Variants in CCDC102B observed in about 807,000 individuals in gnomAD.
CCDC102B encodes the protein coiled-coil domain-containing protein 102B.
Under a neutral mutation model 57.4 loss-of-function variants are expected in CCDC102B, and 75 were observed. That is an observed-to-expected ratio of 1.31 (90% CI 1.08 to 1.58). The LOEUF is 1.58. CCDC102B is among the 40% of genes most tolerant of loss of function. The probability of loss-of-function intolerance (pLI) is 0.00; values close to 1 mark genes in which losing one functional copy is unlikely to be tolerated. For synonymous variants in CCDC102B, 206 were observed against 201.9 expected (o/e 1.02, Z -0.17); for missense variants, 636 against 582.6 (o/e 1.09, Z -0.94).
intron 6 of CCDC102B, among the ~76,000 whole-genome samples, chr18:69,002,637 A>G (rs1299282294): frequency 6.6e-6 from 1 of 152,220 alleles, no homozygotes; most frequent in African/African-American, 2.4e-5. Flanking sequence ...TGTTAATCAC[A>G]GATGAAAATA....
rs553092552 is a variant in CCDC102B, at chr18:68,919,593, C to T, written c.1263+22165C>T. Among the ~76,000 whole-genome samples the T allele has an allele frequency of 6.6e-5, 10 of 152,210 alleles. No individual in the cohort carries two copies. The East Asian group carries it at 1.7e-3, about 27-fold the overall frequency. On this transcript the variant is annotated intron_variant, in intron 6 of 7. Transcript: ENST00000360242. Reference sequence around the variant, plus strand: ...AATTCCTTACACAGATCTGTGTTCTCCTGAGAGTCCTCTTATTCTTCTAGC... The same window carrying T: ...AATTCCTTACACAGATCTGTGTTCTTCTGAGAGTCCTCTTATTCTTCTAGC...
At chr18:68,722,557 C>T (rs2032393165) in intron 2 of CCDC102B, among the ~76,000 whole-genome samples, 1 of 152,016 alleles carries the variant, frequency 6.6e-6, no homozygotes. Context: ...TAATATTATA[C>T]AAAGTGTAGG....
chr18:68,969,637 A>G (rs967707861), intron 6 of CCDC102B, among the ~76,000 whole-genome samples: 11 of 152,000 alleles, frequency 7.2e-5, no homozygotes, highest in African/African-American at 2.7e-4. Flanking sequence ...TAGTGATAAA[A>G]CATATGCCAC....
chr18:68,768,629 T>A (rs181031124), intron 2 of CCDC102B, among the ~76,000 whole-genome samples: 30 of 152,248 alleles, frequency 2.0e-4, no homozygotes, highest in African/African-American at 6.7e-4. Context: ...TATAGTGAGA[T>A]TTGATATTTT....
intron 7 of CCDC102B, among the ~76,000 whole-genome samples, chr18:69,026,859 G>A (rs1006669528): frequency 6.6e-6 from 1 of 152,148 alleles, no homozygotes; most frequent in African/African-American, 2.4e-5. Context: ...TTCCTGGAAA[G>A]GAGAATACGT....
intron 6 of CCDC102B, among the ~76,000 whole-genome samples, chr18:68,933,403 ATATTCT>A (rs1177641274): frequency 6.6e-6 from 1 of 151,890 alleles, no homozygotes; most frequent in Non-Finnish European, 1.5e-5. Context: ...TGGAGGCCAA[ATATTCT>A]TAGTTTTAAA....
intron 3 of CCDC102B, among the ~76,000 whole-genome samples, chr18:68,845,219 T>C (rs1333138111): frequency 1.3e-5 from 2 of 151,912 alleles, no homozygotes; most frequent in South Asian, 2.1e-4. Flanking sequence ...GGAAGAATCA[T>C]TTTTCTTATA....
intron 5 of CCDC102B, among the ~76,000 whole-genome samples, chr18:68,880,582 A>G (rs1482571900): frequency 6.6e-6 from 1 of 152,134 alleles, no homozygotes; most frequent in Non-Finnish European, 1.5e-5. Flanking sequence ...AGTCATGAAG[A>G]TAACCCCATT....
At chr18:68,804,214 T>C (rs2035952579) in intron 1 of CCDC102B, among the ~76,000 whole-genome samples, 1 of 152,152 alleles carries the variant, frequency 6.6e-6, no homozygotes, top group South Asian at 2.1e-4. Flanking sequence ...CTAAGTTTGG[T>C]CTGTAAACCT....
At chr18:68,726,553 A>T (rs1164399735) in intron 2 of CCDC102B, among the ~76,000 whole-genome samples, 1 of 152,234 alleles carries the variant, frequency 6.6e-6, no homozygotes, top group Non-Finnish European at 1.5e-5. Context: ...TTCAACTGCT[A>T]AATAGACTAT....
At chr18:68,879,648 C>T (rs138880734) in intron 5 of CCDC102B, among the ~76,000 whole-genome samples, 3,766 of 151,136 alleles carry the variant, frequency 0.025, 84 homozygotes, top group Non-Finnish European at 0.039. Flanking sequence ...AGACACAGGG[C>T]GCTGATTGGT....
intron 4 of CCDC102B, among the ~76,000 whole-genome samples, chr18:68,850,798 T>A (rs1256999485): frequency 6.6e-6 from 1 of 152,108 alleles, no homozygotes; most frequent in East Asian, 1.9e-4. Context: ...AATGGCTGGG[T>A]CCATGCTGTT....
At chr18:68,808,031 G>A (rs1027144939) in intron 1 of CCDC102B, among the ~76,000 whole-genome samples, 1 of 151,946 alleles carries the variant, frequency 6.6e-6, no homozygotes, top group African/African-American at 2.4e-5. Flanking sequence ...AAGATTCCAC[G>A]TCTTTTCCTT....
At position 69,054,731 on chromosome 18, in the gene CCDC102B, G is replaced by C. The variant is rs939571420; in HGVS notation, c.*594G>C. 4 of 985,112 alleles carry C rather than the reference G, an allele frequency of 4.1e-6. No individual in the cohort carries two copies. In the South Asian group the frequency reaches 1.9e-4, roughly 46 times the overall value. The allele number at this position is 985,112 out of a possible 1,614,324, so 61.0% of individuals were successfully genotyped here. A position where few individuals can be genotyped will look rare whatever the true frequency, so the allele number is the denominator to read the frequency against. On this transcript the variant is annotated 3_prime_UTR_variant, in exon 8 of 8. Transcript: ENST00000360242. ...TGTATTTTAAAGTAACAGATAACCA[G>C]TGATTGAATCTAAGACAGGCTGTAA... is the stretch of plus-strand genomic sequence containing the variant.
intron 5 of CCDC102B, among the ~76,000 whole-genome samples, chr18:68,885,640 C>G (rs1048171665): frequency 6.6e-6 from 1 of 151,892 alleles, no homozygotes; most frequent in Non-Finnish European, 1.5e-5. Context: ...TAGAATTGTA[C>G]ACATACTCAA....
At chr18:69,022,571 T>A (rs1013410136) in intron 7 of CCDC102B, among the ~76,000 whole-genome samples, 1 of 152,076 alleles carries the variant, frequency 6.6e-6, no homozygotes, top group African/African-American at 2.4e-5. Context: ...GTAGTGCTCT[T>A]GGTGACCAGA....
intron 2 of CCDC102B, among the ~76,000 whole-genome samples, chr18:68,764,151 C>T (rs2034348621): frequency 6.6e-6 from 1 of 152,098 alleles, no homozygotes; most frequent in Admixed American, 6.6e-5. Context: ...ACACTCTTGC[C>T]TCCAACAAGG....
chr18:68,741,834 GT>G (rs1568227263), intron 2 of CCDC102B, among the ~76,000 whole-genome samples: 1 of 152,136 alleles, frequency 6.6e-6, no homozygotes, highest in Admixed American at 6.5e-5. Flanking sequence ...TGGGCCTGGG[GT>G]TTTTACTGAG....
intron 6 of CCDC102B, among the ~76,000 whole-genome samples, chr18:69,000,497 C>CAT: frequency 6.6e-6 from 1 of 152,056 alleles, no homozygotes; most frequent in Non-Finnish European, 1.5e-5. Context: ...CATATACACA[C>CAT]ATATATATGA....
Sources: gnomAD v4.1 joint callset for allele counts (sites outside exome capture counted in the v4.1 genomes callset) on GRCh38, gnomAD v4.1.1 for gene constraint, MANE v1.5 for transcripts, NCBI Gene and HGNC (gene_info 2026-07-23, HGNC 2026-07-21) for gene names.